MFAP3L: variants seen among roughly 807,000 people sequenced by gnomAD.
MFAP3L encodes the protein microfibril associated protein 3 like, also known as microfibrillar-associated protein 3-like.
A neutral mutation model predicts 20.0 loss-of-function variants in MFAP3L; 5 were observed. The ratio of observed to expected loss-of-function variants is 0.25; its 90% CI spans 0.13 to 0.53. The LOEUF (loss-of-function observed/expected upper bound fraction) is 0.53, where lower values mean the gene tolerates loss of function less well. Among genes scored for constraint, MFAP3L ranks in the 20% least tolerant of loss-of-function variants. MFAP3L has a pLI of 0.96. For synonymous variants in MFAP3L, 219 were observed against 213.0 expected (o/e 1.03, Z -0.25); for missense variants, 409 against 527.5 (o/e 0.78, Z 2.20).
intron 1 of MFAP3L, among the ~76,000 whole-genome samples, chr4:170,016,977 G>T (rs1581518941): frequency 6.6e-6 from 1 of 152,306 alleles, no homozygotes; most frequent in South Asian, 2.1e-4. Flanking sequence ...TTGTTGAAGT[G>T]AAAAGCAATC....
intron 1 of MFAP3L, among the ~76,000 whole-genome samples, chr4:170,007,144 A>AT (rs994851612): frequency 1.3e-5 from 2 of 151,962 alleles, no homozygotes; most frequent in Admixed American, 6.6e-5. Flanking sequence ...TTCAGATCAT[A>AT]TTTTTTTTCA....
Position 169,991,594 on chromosome 4 carries a change from A to T in MFAP3L, c.1014T>A (p.Phe338Leu). ...EHADDQEGGQFEVKDVEETEL... is the reference protein window; with the variant it reads ...EHADDQEGGQLEVKDVEETEL... ...CTGTCTCCTCTACATCTTTGACTTC[A>T]AACTGTCCACCCTCTTGGTCATCTG... is the stretch of plus-strand genomic sequence containing the variant. Residue 338 changes from phenylalanine to leucine, a missense_variant, in exon 3 of 3, where the codon TTT becomes TTA. This residue lies in a region of MFAP3L where 169 missense variants were observed against 178.2 expected (regional missense o/e 0.95). Coordinates refer to ENST00000361618, the MANE Select transcript of MFAP3L (RefSeq NM_021647.8). This position sits in a 1 kb window ranked among gnomAD's most constrained non-coding sequence, Gnocchi z 4.9. 1 of 1,614,092 alleles carries T rather than the reference A, an allele frequency of 6.2e-7. No individual in the cohort carries two copies. The highest frequency in any genetic ancestry group is 2.2e-5 in the East Asian group (1 of 44,876).
chr4:169,995,417 T>G (rs892264078), intron 2 of MFAP3L, among the ~76,000 whole-genome samples: 44 of 152,106 alleles, frequency 2.9e-4, no homozygotes, highest in Admixed American at 2.8e-3. Context: ...CTTCCATTAG[T>G]GAAAAATAAA....
chr4:170,027,239 T>TTA (rs34300906), upstream of MFAP3L: 9 of 146,948 alleles, frequency 6.1e-5, no homozygotes, highest in South Asian at 6.8e-4. Flanking sequence ...TTTTTTTTTT[T>TTA]AATTTTAAAA....
rs527289062 is a variant in MFAP3L, at chr4:169,988,889, T to C, written c.*2489A>G. ...ACATTCTTTGGCCGCATATTTCTGC[T>C]CTTGCTCCACTGAAAATCTGCCCAC... On this transcript the variant is annotated 3_prime_UTR_variant, in exon 3 of 3. Coordinates refer to ENST00000361618, the MANE Select transcript of MFAP3L (RefSeq NM_021647.8). 4 of 152,282 alleles carry C rather than the reference T, an allele frequency of 2.6e-5. No homozygotes were observed. In the South Asian group the frequency reaches 6.2e-4, roughly 24 times the overall value. The allele number at this position is 152,282 out of a possible 1,614,324, so 9.4% of individuals were successfully genotyped here.
intron 1 of MFAP3L, among the ~76,000 whole-genome samples, chr4:170,017,222 C>T (rs921594958): frequency 1.3e-5 from 2 of 152,088 alleles, no homozygotes; most frequent in African/African-American, 4.8e-5. Flanking sequence ...GGAATTGCAT[C>T]GTGAACACTT....
chr4:170,005,489 A>G, intron 2 of MFAP3L, 91 bp downstream of exon 2: 1 of 1,346,190 alleles, frequency 7.4e-7, no homozygotes, highest in Non-Finnish European at 1.0e-6. Flanking sequence ...TCTTTAAATC[A>G]TTTGCATGAG....
At chr4:170,012,200 C>T (rs1739426805) in intron 1 of MFAP3L, among the ~76,000 whole-genome samples, 1 of 151,992 alleles carries the variant, frequency 6.6e-6, no homozygotes, top group Non-Finnish European at 1.5e-5. Flanking sequence ...AGGAAATGAA[C>T]GGGGGCCTGA....
At chr4:169,993,763 C>T (rs1737921804) in intron 2 of MFAP3L, 1 of 152,122 alleles carries the variant, frequency 6.6e-6, no homozygotes, top group African/African-American at 2.4e-5. Flanking sequence ...CTGTGAAGAG[C>T]AGTTTCTGGT....
At chr4:170,008,125 T>C (rs1739160519) in intron 1 of MFAP3L, among the ~76,000 whole-genome samples, 1 of 152,204 alleles carries the variant, frequency 6.6e-6, no homozygotes, top group Non-Finnish European at 1.5e-5. Flanking sequence ...CACAGCCAAC[T>C]GTTCTGAAAT....
intron 1 of MFAP3L, among the ~76,000 whole-genome samples, chr4:170,016,489 C>T (rs952999708): frequency 6.6e-6 from 1 of 152,198 alleles, no homozygotes; most frequent in South Asian, 2.1e-4. Context: ...TATGTGAAAC[C>T]GTGCCCACCC....
intron 1 of MFAP3L, among the ~76,000 whole-genome samples, chr4:170,010,216 G>A (rs1393940392): frequency 2.0e-5 from 3 of 152,080 alleles, no homozygotes; most frequent in African/African-American, 7.2e-5. Context: ...ATATGTTTCT[G>A]CCACTTCCTT....
At chr4:170,024,035 T>C (rs1740198460) in intron 1 of MFAP3L, among the ~76,000 whole-genome samples, 1 of 152,212 alleles carries the variant, frequency 6.6e-6, no homozygotes, top group South Asian at 2.1e-4. Context: ...ATCACGTGCC[T>C]AGCAAGTGAG....
In MFAP3L at chr4:169,987,175, C is replaced by A. The variant is rs1237307470; in HGVS notation, c.*4203G>T. The A allele has an allele frequency of 6.6e-6, 1 of 152,056 alleles. No individual in the cohort carries two copies. The highest frequency in any genetic ancestry group is 2.4e-5 in the African/African-American group (1 of 41,402). 9.4% of individuals were successfully genotyped at this position (152,056 alleles called of 1,614,324 possible). On this transcript the variant is annotated 3_prime_UTR_variant, in exon 3 of 3. Transcript: ENST00000361618. ...TTTCCCCCACAATTGATTTGTGTAACCCAAACCTGGTTGATCAATGAAGAA... is the reference window on the plus strand; with the variant it reads ...TTTCCCCCACAATTGATTTGTGTAAACCAAACCTGGTTGATCAATGAAGAA...
chr4:169,993,185 C>CT (rs1391107242), intron 2 of MFAP3L, among the ~76,000 whole-genome samples: 1 of 152,154 alleles, frequency 6.6e-6, no homozygotes, highest in Non-Finnish European at 1.5e-5. Context: ...GCCCATCTAC[C>CT]TGCAGGTCAA....
rs1057391547 is a variant in MFAP3L, at chr4:170,004,058, G to C, written c.298+1522C>G. ...TGCAACGCCTGCCTCCTGGGTTCAAGAGATTATTCTGCCTCGGCCTCCTGA... is the reference window on the plus strand; with the variant it reads ...TGCAACGCCTGCCTCCTGGGTTCAACAGATTATTCTGCCTCGGCCTCCTGA... On this transcript the variant is annotated intron_variant, in intron 2 of 2. Coordinates refer to ENST00000361618, the MANE Select transcript of MFAP3L (RefSeq NM_021647.8). 7.2e-5 allele frequency among the ~76,000 whole-genome samples: 11 copies of C among 152,198 alleles called. 1 individual carries two copies. Among genetic ancestry groups the C allele is most frequent in the Non-Finnish European group, 1.5e-4 (10 of 68,036 alleles).
intron 2 of MFAP3L, chr4:169,993,881 T>C (rs1737930062): frequency 2.0e-5 from 3 of 152,444 alleles, no homozygotes; most frequent in Admixed American, 6.5e-5. Flanking sequence ...TGAATGTGTA[T>C]GAACAAACCA....
chr4:169,999,496 G>T (rs769009907), intron 2 of MFAP3L, among the ~76,000 whole-genome samples: 1 of 152,150 alleles, frequency 6.6e-6, no homozygotes, highest in Non-Finnish European at 1.5e-5. Context: ...ATAGAACATG[G>T]AATCATAATA....
chr4:169,987,672 G>C lies in MFAP3L; in HGVS notation c.*3706C>G, dbSNP rs1020026947. ...ATTTGTGTTGGCTGCACGGGGCTTA[G>C]AGCATGCTGTTCCAAACATGCAAAT... On this transcript the variant is annotated 3_prime_UTR_variant, in exon 3 of 3. Coordinates refer to ENST00000361618, the MANE Select transcript of MFAP3L (RefSeq NM_021647.8). The C allele has an allele frequency of 6.6e-6, 1 of 152,162 alleles. No homozygotes were observed. The highest frequency in any genetic ancestry group is 1.5e-5 in the Non-Finnish European group (1 of 68,032). The allele number at this position is 152,162 out of a possible 1,614,324, so 9.4% of individuals were successfully genotyped here. A position where few individuals can be genotyped will look rare whatever the true frequency, so the allele number is the denominator to read the frequency against.
Sources: gnomAD v4.1 joint callset for allele counts (sites outside exome capture counted in the v4.1 genomes callset) on GRCh38, gnomAD v4.1.1 for gene constraint, gnomAD v4.1.1 regional missense constraint, Gnocchi (gnomAD v3.1) non-coding constraint, MANE v1.5 for transcripts, NCBI Gene and HGNC (gene_info 2026-07-23, HGNC 2026-07-21) for gene names.